Variants in TENM2 observed in about 807,000 individuals in gnomAD.
The protein encoded by TENM2 is teneurin transmembrane protein 2.
A neutral mutation model predicts 245.2 loss-of-function variants in TENM2; 52 were observed. The ratio of observed to expected loss-of-function variants is 0.21; its 90% confidence interval spans 0.17 to 0.27. The LOEUF (loss-of-function observed/expected upper bound fraction) is 0.27, where lower values mean the gene tolerates loss of function less well. Ranked by LOEUF, TENM2 falls within the 10% of genes least tolerant of loss-of-function variation. The probability of loss-of-function intolerance (pLI) is 1.00; values close to 1 mark genes in which losing one functional copy is unlikely to be tolerated. For missense variants in TENM2, 3,046 were observed against 3,666.8 expected (o/e 0.83, Z 4.37); for synonymous variants, 1,363 against 1,438.9 (o/e 0.95, Z 1.19).
At chr5:167,532,090 G>A (rs1673092659) in intron 2 of TENM2, among the ~76,000 whole-genome samples, 1 of 152,094 alleles carries the variant, frequency 6.6e-6, no homozygotes, top group Non-Finnish European at 1.5e-5. Flanking sequence ...GCCACACCAT[G>A]AGGCTCCTGT....
chr5:167,257,442 G>A, the TENM2 span, among the ~76,000 whole-genome samples: 2 of 151,968 alleles, frequency 1.3e-5, no homozygotes, highest in Non-Finnish European at 2.9e-5. Context: ...TATCTGTGTA[G>A]CTAAATCTTT....
the TENM2 span, among the ~76,000 whole-genome samples, chr5:167,068,617 C>T: frequency 6.6e-6 from 1 of 152,182 alleles, no homozygotes; most frequent in Non-Finnish European, 1.5e-5. Flanking sequence ...AGAATACTCA[C>T]ATTTCAAATA....
At chr5:167,708,047 T>C (rs534789889) in intron 2 of TENM2, among the ~76,000 whole-genome samples, 25 of 152,330 alleles carry the variant, frequency 1.6e-4, no homozygotes, top group African/African-American at 5.5e-4. Context: ...TTTAAATTCA[T>C]TGATATTGAG....
chr5:167,410,547 CA>C (rs1762852244), intron 2 of TENM2, among the ~76,000 whole-genome samples: 1 of 115,074 alleles, frequency 8.7e-6, no homozygotes, highest in African/African-American at 3.0e-5. Context: ...CTGTGTCTTA[CA>C]AAAGAAAAAA....
chr5:168,124,801 T>G, intron 10 of TENM2, 49 bp from the exon 13 acceptor site: 5 of 1,517,384 alleles, frequency 3.3e-6, no homozygotes, highest in South Asian at 1.2e-5. Flanking sequence ...CCATCCTCCA[T>G]GGGTGATTAA....
intron 3 of TENM2, among the ~76,000 whole-genome samples, chr5:167,926,718 C>CACA: frequency 7.3e-6 from 1 of 136,810 alleles, no homozygotes; most frequent in South Asian, 2.5e-4. Context: ...TGAGATTCCA[C>CACA]CACACACACA....
At chr5:167,732,599 T>C (rs1760513825) in intron 2 of TENM2, among the ~76,000 whole-genome samples, 1 of 152,232 alleles carries the variant, frequency 6.6e-6, no homozygotes, top group Admixed American at 6.5e-5. Context: ...CTTCTGCTAC[T>C]CTCTTATTGT....
the TENM2 span, among the ~76,000 whole-genome samples, chr5:167,230,489 G>A: frequency 7.1e-4 from 108 of 152,224 alleles, 1 homozygote; most frequent in African/African-American, 2.5e-3. Context: ...CTTCTTAGTG[G>A]AGGAGGTGAG....
At chr5:167,370,462 G>A (rs939002553) in intron 1 of TENM2, among the ~76,000 whole-genome samples, 29 of 150,394 alleles carry the variant, frequency 1.9e-4, no homozygotes, top group African/African-American at 5.6e-4. Context: ...GTTATTTTAA[G>A]ACTTGTGTTC....
intron 19 of TENM2, among the ~76,000 whole-genome samples, chr5:168,207,771 G>C (rs1191872346): frequency 6.6e-6 from 1 of 152,112 alleles, no homozygotes; most frequent in Non-Finnish European, 1.5e-5. Context: ...CTGAGCCTCT[G>C]AATTGGGATC....
chr5:167,020,805 G>T, the TENM2 span, among the ~76,000 whole-genome samples: 3 of 152,202 alleles, frequency 2.0e-5, no homozygotes, highest in Non-Finnish European at 2.9e-5. Context: ...TGCAAAAAGA[G>T]ATCTTTTCTG....
the TENM2 span, among the ~76,000 whole-genome samples, chr5:167,000,640 A>G: frequency 2.0e-5 from 3 of 152,232 alleles, no homozygotes; most frequent in African/African-American, 7.2e-5. Flanking sequence ...TTGATTAGGA[A>G]CCACTTAATA....
intron 28 of TENM2, among the ~76,000 whole-genome samples, chr5:168,260,989 C>T (rs1414597195): frequency 1.3e-5 from 2 of 152,112 alleles, no homozygotes; most frequent in Non-Finnish European, 2.9e-5. Flanking sequence ...GCTACAGAAC[C>T]GGCGCTCAGC....
intron 3 of TENM2, among the ~76,000 whole-genome samples, chr5:167,916,616 C>T (rs1776962283): frequency 6.6e-6 from 1 of 152,198 alleles, no homozygotes; most frequent in Non-Finnish European, 1.5e-5. Context: ...TCCCTTCTCC[C>T]CCAGCCTTTG....
intron 2 of TENM2, among the ~76,000 whole-genome samples, chr5:167,434,393 AC>A (rs1292258565): frequency 7.8e-6 from 1 of 128,874 alleles, no homozygotes; most frequent in African/African-American, 3.0e-5. Flanking sequence ...AGCCTGGGCA[AC>A]AGTGAAAGAC....
At chr5:168,099,717 A>T (rs572365737) in intron 9 of TENM2, among the ~76,000 whole-genome samples, 1 of 152,300 alleles carries the variant, frequency 6.6e-6, no homozygotes, top group East Asian at 1.9e-4. Flanking sequence ...TACTATTTCA[A>T]ATAGTCTCAA....
chr5:167,053,608 T>G, the TENM2 span, among the ~76,000 whole-genome samples: 1 of 152,144 alleles, frequency 6.6e-6, no homozygotes, highest in Non-Finnish European at 1.5e-5. Flanking sequence ...GAGTGGAGCA[T>G]GCCTGCAGTG....
At chr5:167,466,113 A>T (rs1192190698) in intron 2 of TENM2, among the ~76,000 whole-genome samples, 1 of 152,188 alleles carries the variant, frequency 6.6e-6, no homozygotes, top group Non-Finnish European at 1.5e-5. Flanking sequence ...AGTCATTACA[A>T]TCTTCTTGAA....
chr5:167,671,043 A>G (rs144915249), intron 2 of TENM2, among the ~76,000 whole-genome samples: 147 of 152,174 alleles, frequency 9.7e-4, no homozygotes, highest in Middle Eastern at 3.4e-3. Flanking sequence ...TAAATGTGTA[A>G]TCTTGTGACT....
Sources: allele counts gnomAD v4.1 joint callset (sites outside exome capture counted in the v4.1 genomes callset), GRCh38; gene constraint gnomAD v4.1.1; transcripts MANE v1.5; gene names NCBI Gene and HGNC (gene_info 2026-07-23, HGNC 2026-07-21).